CRAMP1: variants seen among roughly 807,000 people sequenced by gnomAD.
CRAMP1 encodes cramped chromatin regulator 1.
CRAMP1 carries 50 observed loss-of-function variants against 115.4 expected under a neutral mutation model. The ratio of observed to expected loss-of-function variants is 0.43; its 90% confidence interval spans 0.35 to 0.55. The LOEUF is 0.55. CRAMP1 is among the 20% of genes least tolerant of loss of function. The probability of loss-of-function intolerance (pLI) is 0.01; values close to 1 mark genes in which losing one functional copy is unlikely to be tolerated. For synonymous variants in CRAMP1, 866 were observed against 745.4 expected (o/e 1.16, Z -2.64); for missense variants, 1,679 against 1,721.7 (o/e 0.98, Z 0.44).
Position 1,673,869 on chromosome 16 carries a change from C to T in CRAMP1, c.3646-12C>T, listed in dbSNP as rs1317432867. 1 of 1,613,514 alleles carries T rather than the reference C, an allele frequency of 6.2e-7. No homozygotes were observed. The highest frequency in any genetic ancestry group is 8.5e-7 in the Non-Finnish European group (1 of 1,179,736). ...CGCGGTGACTTGTTCTTCCTGTCTCCTCTTCCTGCAGGTTGTGGATTCCCA... is the reference window on the plus strand; with the variant it reads ...CGCGGTGACTTGTTCTTCCTGTCTCTTCTTCCTGCAGGTTGTGGATTCCCA... On this transcript the variant is annotated splice_polypyrimidine_tract_variant and intron_variant, in intron 20 of 20. Transcript: ENST00000397412.
At chr16:1,639,133 C>T (rs2036611880) in intron 5 of CRAMP1, among the ~76,000 whole-genome samples, 1 of 152,102 alleles carries the variant, frequency 6.6e-6, no homozygotes, top group Non-Finnish European at 1.5e-5. Context: ...CCCATCTTGA[C>T]CATGTGTTCC....
In CRAMP1 at chr16:1,675,758, T is replaced by G. The variant is rs1190064035; in HGVS notation, c.*1713T>G. On this transcript the variant is annotated 3_prime_UTR_variant, in exon 21 of 21. Coordinates refer to ENST00000397412, the MANE Select transcript of CRAMP1 (RefSeq NM_020825.4). ...TCTTAGAGCTCTTGCCTGAGCTGGCTTCCCTCCTTCAGACATTGACATGAG... is the reference window on the plus strand; with the variant it reads ...TCTTAGAGCTCTTGCCTGAGCTGGCGTCCCTCCTTCAGACATTGACATGAG... The G allele has an allele frequency of 6.6e-6, 1 of 152,262 alleles. No homozygotes were observed. The highest frequency in any genetic ancestry group is 1.5e-5 in the Non-Finnish European group (1 of 68,062). 9.4% of individuals were successfully genotyped at this position (152,262 alleles called of 1,614,324 possible). A position where few individuals can be genotyped will look rare whatever the true frequency, so the allele number is the denominator to read the frequency against.
chr16:1,631,894 G>C (rs1362614624), intron 3 of CRAMP1, among the ~76,000 whole-genome samples: 1 of 152,166 alleles, frequency 6.6e-6, no homozygotes, highest in Non-Finnish European at 1.5e-5. Context: ...TTCATTATCT[G>C]TGAAGAACTC....
Position 1,658,592 on chromosome 16 carries a change from C to T in CRAMP1, c.2236-1294C>T, listed in dbSNP as rs560937090. On this transcript the variant is annotated intron_variant, in intron 10 of 20. Coordinates refer to ENST00000397412, the MANE Select transcript of CRAMP1 (RefSeq NM_020825.4). Reference sequence around the variant, plus strand: ...AGACAGACAGGTGCCTGATGCAGCTCAGGTGTGGGGCCAGGTGGCCCTGTG... The same window carrying T: ...AGACAGACAGGTGCCTGATGCAGCTTAGGTGTGGGGCCAGGTGGCCCTGTG... Among the ~76,000 whole-genome samples, 29 of 152,284 alleles carry T rather than the reference C, an allele frequency of 1.9e-4. No individual in the cohort carries two copies. The East Asian group carries it at 5.4e-3, about 28-fold the overall frequency.
rs1005609465 is a variant in CRAMP1 at position 1,672,050 on chromosome 16, T to A, written c.3645+1241T>A. On this transcript the variant is annotated intron_variant, in intron 20 of 20. Transcript: ENST00000397412. The surrounding 1 kb of genome is among the most constrained non-coding windows in gnomAD (Gnocchi z 4.9). ...CCCTGTTTGTGCGCATGTTCCTAAG[T>A]GCTGGGCTCTGTGGAGATGGGCGCT... Among the ~76,000 whole-genome samples the A allele has an allele frequency of 6.6e-6, 1 of 152,160 alleles. No individual in the cohort carries two copies. The highest frequency in any genetic ancestry group is 1.5e-5 in the Non-Finnish European group (1 of 68,024).
chr16:1,648,398 T>G (rs1290238062), intron 6 of CRAMP1, among the ~76,000 whole-genome samples: 1 of 150,502 alleles, frequency 6.6e-6, no homozygotes, highest in Non-Finnish European at 1.5e-5. Context: ...CATTTGAGGT[T>G]AGGAGTTCCA....
intron 9 of CRAMP1, among the ~76,000 whole-genome samples, chr16:1,655,674 G>C (rs946182393): frequency 6.6e-6 from 1 of 152,208 alleles, no homozygotes; most frequent in East Asian, 1.9e-4. Context: ...GGCGTGGTGC[G>C]TGTCAGGTGT....
rs563332630 is a variant in CRAMP1, at chr16:1,669,796, G to A, written c.3499+631G>A. ...GGGGTCTTCCCGCCCACAGTTGTAC[G>A]GGGCCAGGGCTTGTGGCTGGGCACA... On this transcript the variant is annotated intron_variant, in intron 19 of 20. Coordinates refer to ENST00000397412, the MANE Select transcript of CRAMP1 (RefSeq NM_020825.4). This position sits in a 1 kb window ranked among gnomAD's most constrained non-coding sequence, Gnocchi z 4.6. 2.6e-5 allele frequency among the ~76,000 whole-genome samples: 4 copies of A among 152,308 alleles called. No homozygotes were observed. Among genetic ancestry groups the A allele is most frequent in the Admixed American group, 6.5e-5 (1 of 15,308 alleles).
chr16:1,638,953 A>G (rs923674214), intron 5 of CRAMP1, among the ~76,000 whole-genome samples: 1 of 151,504 alleles, frequency 6.6e-6, no homozygotes, highest in Non-Finnish European at 1.5e-5. Flanking sequence ...TACCTCCTCC[A>G]GCCTGCCTCT....
intron 11 of CRAMP1, among the ~76,000 whole-genome samples, chr16:1,661,731 G>T (rs1010481013): frequency 2.6e-5 from 4 of 152,174 alleles, no homozygotes; most frequent in African/African-American, 7.2e-5. Context: ...GAGTAGTTGG[G>T]ATTACAGGCA....
chr16:1,667,340 C>A lies in CRAMP1; in HGVS notation c.3042C>A (p.Ser1014=), dbSNP rs200749797. Residue 1014 remains serine (S), a synonymous_variant, in exon 17 of 21, where the codon TCC becomes TCA. Coordinates refer to ENST00000397412, the MANE Select transcript of CRAMP1 (RefSeq NM_020825.4). ...DGDTLPTVGG[S]DPFVSIPSRP... is the part of the protein sequence containing the mutation. Reference sequence around the variant, plus strand: ...TGGGCGTGCTCTTCCTGCAGGGCTCCGACCCATTTGTCAGCATCCCTTCGA... The same window carrying A: ...TGGGCGTGCTCTTCCTGCAGGGCTCAGACCCATTTGTCAGCATCCCTTCGA... 1 of 1,613,038 alleles carries A rather than the reference C, an allele frequency of 6.2e-7. No homozygotes were observed. Among genetic ancestry groups the A allele is most frequent in the Non-Finnish European group, 8.5e-7 (1 of 1,179,700 alleles).
intron 6 of CRAMP1, chr16:1,647,003 G>A (rs749528727): frequency 2.6e-5 from 18 of 702,264 alleles, no homozygotes; most frequent in Admixed American, 6.0e-5. Context: ...TTTTGTGACC[G>A]TTCTTTGACC....
intron 3 of CRAMP1, among the ~76,000 whole-genome samples, chr16:1,627,186 C>A (rs1204717300): frequency 2.6e-5 from 4 of 151,592 alleles, no homozygotes; most frequent in African/African-American, 9.7e-5. Flanking sequence ...CACTCTGTTG[C>A]CCAGGCTGGA....
intron 4 of CRAMP1, among the ~76,000 whole-genome samples, chr16:1,637,272 C>T (rs897734175): frequency 1.3e-5 from 2 of 150,064 alleles, no homozygotes; most frequent in Non-Finnish European, 3.0e-5. Flanking sequence ...CCAGTCTGGG[C>T]GAGAGAGTGA....
At chr16:1,629,943 A>C (rs2036536596) in intron 3 of CRAMP1, among the ~76,000 whole-genome samples, 1 of 151,852 alleles carries the variant, frequency 6.6e-6, no homozygotes, top group Non-Finnish European at 1.5e-5. Flanking sequence ...CAGATCCTAA[A>C]ATGTGTCAGT....
intron 4 of CRAMP1, 66 bp downstream of exon 4, chr16:1,632,431 G>A: frequency 6.8e-7 from 1 of 1,474,516 alleles, no homozygotes; most frequent in East Asian, 2.5e-5. Flanking sequence ...TCAGAGCGCA[G>A]CTTCCAGCAA....
intron 9 of CRAMP1, among the ~76,000 whole-genome samples, chr16:1,655,664 G>A (rs1235992364): frequency 6.6e-6 from 1 of 152,220 alleles, no homozygotes; most frequent in Non-Finnish European, 1.5e-5. Flanking sequence ...TCCCCACATA[G>A]GCGTGGTGCG....
rs767159718 is a variant in CRAMP1, at chr16:1,641,202, C to T, written c.827+15C>T. The T allele has an allele frequency of 6.3e-6, 10 of 1,587,036 alleles. No individual in the cohort carries two copies. The Admixed American group carries it at 8.4e-5, about 13-fold the overall frequency. ...ATTCAGGTTGGGTAAGTCCCAGTTT[C>T]CATGTGAAACATCACTTCTCTGGGT... On this transcript the variant is annotated intron_variant, in intron 6 of 20. Transcript: ENST00000397412.
chr16:1,655,096 G>T, intron 8 of CRAMP1, 123 bp from the exon 9 acceptor site: 1 of 773,948 alleles, frequency 1.3e-6, no homozygotes, highest in South Asian at 1.5e-5. Flanking sequence ...CCGCTCCCGG[G>T]TGCCTCTCCA....
Sources: allele counts gnomAD v4.1 joint callset (sites outside exome capture counted in the v4.1 genomes callset), GRCh38; gene constraint gnomAD v4.1.1; non-coding constraint Gnocchi (gnomAD v3.1); transcripts MANE v1.5; gene names NCBI Gene and HGNC (gene_info 2026-07-23, HGNC 2026-07-21).